Variants in SORCS3 observed in about 807,000 individuals in gnomAD.
The protein encoded by SORCS3 is sortilin related VPS10 domain containing receptor 3.
A neutral mutation model predicts 146.3 loss-of-function variants in SORCS3; 57 were observed. The ratio of observed to expected loss-of-function variants is 0.39; its 90% confidence interval spans 0.31 to 0.49. The LOEUF (loss-of-function observed/expected upper bound fraction) is 0.49. Among genes scored for constraint, SORCS3 ranks in the 20% least tolerant of loss-of-function variants. The probability of loss-of-function intolerance (pLI) is 0.92; values close to 1 mark genes in which losing one functional copy is unlikely to be tolerated. For synonymous variants in SORCS3, 653 were observed against 618.5 expected, an observed-to-expected ratio of 1.06 and a Z score of -0.83; for missense variants, 1,341 against 1,575.5, an observed-to-expected ratio of 0.85 and a Z score of 2.52.
chr10:104,770,032 C>G (rs1482468456), intron 1 of SORCS3, among the ~76,000 whole-genome samples: 1 of 152,068 alleles, frequency 6.6e-6, no homozygotes. Context: ...TCAAAGAGCA[C>G]TTATGAGTGA....
rs370339964 is a variant in SORCS3 at position 104,730,726 on chromosome 10, G to A, written c.627+88772G>A. Among the ~76,000 whole-genome samples the A allele has an allele frequency of 1.6e-3, 248 of 152,344 alleles. 2 individuals are homozygous for A. The highest frequency in any genetic ancestry group is 5.6e-3 in the African/African-American group (233 of 41,584). ...GAGGCCTCAGGAAACTTATAATCATGTTAGAAGGCACCTCTTCACAGGGCA... is the reference window on the plus strand; with the variant it reads ...GAGGCCTCAGGAAACTTATAATCATATTAGAAGGCACCTCTTCACAGGGCA... On this transcript the variant is annotated intron_variant, in intron 1 of 26. Coordinates refer to ENST00000369701, the MANE Select transcript of SORCS3 (RefSeq NM_014978.3).
chr10:105,002,065 A>T (rs2055065592), intron 4 of SORCS3, among the ~76,000 whole-genome samples: 1 of 152,074 alleles, frequency 6.6e-6, no homozygotes, highest in Non-Finnish European at 1.5e-5. Context: ...AATGAGAGAG[A>T]TCAATAGGTT....
chr10:104,926,948 T>C (rs954741721), intron 3 of SORCS3, among the ~76,000 whole-genome samples: 4 of 152,228 alleles, frequency 2.6e-5, no homozygotes, highest in Non-Finnish European at 5.9e-5. Context: ...GAGTATATCG[T>C]AATTTTTTTA....
chr10:104,765,408 G>A (rs1275231194), intron 1 of SORCS3, among the ~76,000 whole-genome samples: 2 of 152,168 alleles, frequency 1.3e-5, no homozygotes, highest in Admixed American at 6.5e-5. Context: ...GTAGTTTAGG[G>A]GAATTTCTGA....
chr10:104,957,932 G>A (rs774904711), intron 3 of SORCS3, among the ~76,000 whole-genome samples: 8 of 152,076 alleles, frequency 5.3e-5, no homozygotes, highest in Non-Finnish European at 1.2e-4. Context: ...ATGATCACAA[G>A]CTCTTTTGTT....
chr10:105,139,349 A>G (rs771440824), intron 7 of SORCS3, 48 bp from the exon 8 acceptor site: 17 of 1,395,518 alleles, frequency 1.2e-5, no homozygotes, highest in Non-Finnish European at 1.5e-5. Context: ...CAACTTGTGC[A>G]TGATCTGTGG....
Position 105,263,294 on chromosome 10 carries a change from C to T in SORCS3, c.3605-16C>T, listed in dbSNP as rs748911877. The stretch of plus-strand genomic sequence containing the variant: ...AACTCACATCCATTTCTCCCTGTGT[C>T]TTCTCTTCTCTGCAGGAGGCATTGC... On this transcript the variant is annotated splice_polypyrimidine_tract_variant and intron_variant, in intron 26 of 26. Transcript: ENST00000369701. 5.0e-6 allele frequency: 8 copies of T among 1,613,502 alleles called. No individual in the cohort carries two copies. The Admixed American group carries it at 1.2e-4, about 24-fold the overall frequency.
At chr10:104,983,121 T>C (rs2054941194) in intron 4 of SORCS3, among the ~76,000 whole-genome samples, 1 of 152,174 alleles carries the variant, frequency 6.6e-6, no homozygotes, top group Non-Finnish European at 1.5e-5. Context: ...GGTTCAAGCC[T>C]CCTGAGTAGC....
At chr10:105,055,496 A>T (rs1424721803) in intron 5 of SORCS3, among the ~76,000 whole-genome samples, 1 of 152,188 alleles carries the variant, frequency 6.6e-6, no homozygotes, top group Non-Finnish European at 1.5e-5. Context: ...GTCAGAAAGG[A>T]TACCAGATGC....
At chr10:104,993,511 G>GA (rs1289578925) in intron 4 of SORCS3, among the ~76,000 whole-genome samples, 1 of 152,082 alleles carries the variant, frequency 6.6e-6, no homozygotes, top group Non-Finnish European at 1.5e-5. Flanking sequence ...TGAATGAGGG[G>GA]AAAAAAGATA....
chr10:105,227,985 TTGTGTGTGTGTGTG>T lies in SORCS3; in HGVS notation c.2868+4772_2868+4785del, dbSNP rs59033040. Among the ~76,000 whole-genome samples, 632 of 128,918 alleles carry T rather than the reference TTGTGTGTGTGTGTG, an allele frequency of 4.9e-3. 1 individual carries two copies. The highest frequency in any genetic ancestry group is 0.012 in the Middle Eastern group (3 of 252). The allele number at this position is 128,918 out of a possible 152,430, so 84.6% of individuals were successfully genotyped here. On this transcript the variant is annotated intron_variant, in intron 20 of 26. Transcript: ENST00000369701. ...TTGTAGGCAGCATATTGTGGTCATT[TTGTGTGTGTGTGTG>T]TGTGTGTGTGTGTGTGTGTGTGTGT... is the stretch of plus-strand genomic sequence containing the variant.
At chr10:104,979,937 T>C (rs10400186) in intron 4 of SORCS3, among the ~76,000 whole-genome samples, 10,551 of 152,206 alleles carry the variant, frequency 0.069, 400 homozygotes, top group African/African-American at 0.11. Flanking sequence ...TTTATTTCTA[T>C]AGAGGCAAGC....
chr10:105,043,922 G>A (rs2055353273), intron 5 of SORCS3, among the ~76,000 whole-genome samples: 1 of 152,018 alleles, frequency 6.6e-6, no homozygotes, highest in Non-Finnish European at 1.5e-5. Context: ...AACAAGTTTT[G>A]TACAAATTTG....
At position 104,701,809 on chromosome 10, in the gene SORCS3, A is replaced by AT. The variant is rs58171644; in HGVS notation, c.627+59864dup. Among the ~76,000 whole-genome samples, 735 of 151,208 alleles carry AT rather than the reference A, an allele frequency of 4.9e-3. 3 individuals carry two copies. Among genetic ancestry groups the AT allele is most frequent in the African/African-American group, 0.017 (694 of 41,194 alleles). ...AAGTATTGAATAAATTTGTTTTGTGATTTTTTTTTCGGTATTGGGTAGAAA... is the reference window on the plus strand; with the variant it reads ...AAGTATTGAATAAATTTGTTTTGTGATTTTTTTTTTCGGTATTGGGTAGAAA... On this transcript the variant is annotated intron_variant, in intron 1 of 26. Transcript: ENST00000369701.
chr10:105,034,964 G>C (rs1232576054), intron 4 of SORCS3, among the ~76,000 whole-genome samples: 1 of 152,150 alleles, frequency 6.6e-6, no homozygotes, highest in Non-Finnish European at 1.5e-5. Context: ...CCCTCTTGTA[G>C]TCACCCTGCA....
chr10:104,733,039 G>A (rs2016726253), intron 1 of SORCS3, among the ~76,000 whole-genome samples: 1 of 152,200 alleles, frequency 6.6e-6, no homozygotes, highest in African/African-American at 2.4e-5. Context: ...TGATAAATCA[G>A]TGATAGATTT....
intron 2 of SORCS3, among the ~76,000 whole-genome samples, chr10:104,887,921 C>G (rs1407935548): frequency 7.6e-6 from 1 of 130,982 alleles, no homozygotes; most frequent in Non-Finnish European, 1.5e-5. Context: ...CCAGTTATCT[C>G]TCTTATCTTC....
intron 1 of SORCS3, among the ~76,000 whole-genome samples, chr10:104,749,709 A>C (rs760255804): frequency 1.2e-4 from 18 of 152,210 alleles, no homozygotes; most frequent in Non-Finnish European, 2.1e-4. Flanking sequence ...TCTGAATTCA[A>C]CTTTGCTGAC....
chr10:105,190,057 G>C (rs923384492), intron 14 of SORCS3, among the ~76,000 whole-genome samples: 1 of 152,152 alleles, frequency 6.6e-6, no homozygotes, highest in Admixed American at 6.6e-5. Context: ...ATGCAAACAG[G>C]CTATTAGGAG....
Sources: gnomAD v4.1 joint callset for allele counts (sites outside exome capture counted in the v4.1 genomes callset) on GRCh38, gnomAD v4.1.1 for gene constraint, MANE v1.5 for transcripts, NCBI Gene and HGNC (gene_info 2026-07-23, HGNC 2026-07-21) for gene names.